AFF1: variants seen among roughly 807,000 people sequenced by gnomAD.
AFF1 encodes the protein ALF transcription elongation factor 1.
In AFF1, 48 loss-of-function variants were observed where a neutral mutation model predicts 121.7. The ratio of observed to expected loss-of-function variants is 0.39; its 90% CI spans 0.31 to 0.50. AFF1 has a LOEUF of 0.50. AFF1 is among the 20% of genes least tolerant of loss of function. AFF1 has a pLI of 0.76. For missense variants in AFF1, 1,523 were observed against 1,511.7 expected, an observed-to-expected ratio of 1.01 and a Z score of -0.12; for synonymous variants, 613 against 563.0, an observed-to-expected ratio of 1.09 and a Z score of -1.26.
chr4:86,950,133 T>C (rs1721200438), intron 2 of AFF1: 1 of 1,581,084 alleles, frequency 6.3e-7, no homozygotes, highest in Non-Finnish European at 8.7e-7. Context: ...GGATGGGACT[T>C]GGGCCAGCAC....
At chr4:87,054,030 C>T (rs1389332498) in intron 4 of AFF1, among the ~76,000 whole-genome samples, 2 of 152,152 alleles carry the variant, frequency 1.3e-5, no homozygotes, top group Non-Finnish European at 2.9e-5. Flanking sequence ...CTGGCTTATG[C>T]CACACCATGT....
intron 19 of AFF1, among the ~76,000 whole-genome samples, chr4:87,132,815 C>T (rs1442710587): frequency 6.6e-6 from 1 of 152,172 alleles, no homozygotes; most frequent in African/African-American, 2.4e-5. Flanking sequence ...CTCAGCCTCC[C>T]GAGTAGCTGG....
chr4:87,017,327 TTTGA>T (rs2149549975), intron 2 of AFF1, among the ~76,000 whole-genome samples: 1 of 152,234 alleles, frequency 6.6e-6, no homozygotes, highest in African/African-American at 2.4e-5. Flanking sequence ...CAATTTTGCA[TTTGA>T]TTATTAGAAA....
At chr4:86,979,334 G>A (rs1723549529) in intron 2 of AFF1, among the ~76,000 whole-genome samples, 1 of 152,012 alleles carries the variant, frequency 6.6e-6, no homozygotes, top group Non-Finnish European at 1.5e-5. Context: ...CTTGACCTCA[G>A]GTGATCCTCC....
intron 2 of AFF1, among the ~76,000 whole-genome samples, chr4:87,006,112 C>T (rs184989820): frequency 1.3e-5 from 2 of 152,308 alleles, no homozygotes; most frequent in Admixed American, 1.3e-4. Flanking sequence ...GTTTGTATTT[C>T]ACGACGATTT....
At chr4:87,017,341 A>G (rs1198731590) in intron 2 of AFF1, among the ~76,000 whole-genome samples, 3 of 152,130 alleles carry the variant, frequency 2.0e-5, no homozygotes, top group African/African-American at 4.8e-5. Context: ...ATTATTAGAA[A>G]ATTATATATT....
At position 86,984,301 on chromosome 4, in the gene AFF1, CT is replaced by C. The variant is rs376790039; in HGVS notation, c.38+35740del. On this transcript the variant is annotated intron_variant, in intron 2 of 20. Transcript: ENST00000395146. ...AGTGAGAACTGTATTTCAAGTGACC[CT>C]TTTTTTTTTCCAAGTGACATTTTTT... 3.9e-4 allele frequency among the ~76,000 whole-genome samples: 55 copies of C among 141,306 alleles called. No homozygotes were observed. The East Asian group carries it at 6.7e-3, about 17-fold the overall frequency. 92.7% of individuals were successfully genotyped at this position (141,306 alleles called of 152,430 possible). A position where few individuals can be genotyped will look rare whatever the true frequency, so the allele number is the denominator to read the frequency against.
At chr4:86,976,423 G>A (rs754300000) in intron 2 of AFF1, among the ~76,000 whole-genome samples, 3 of 152,128 alleles carry the variant, frequency 2.0e-5, no homozygotes, top group Non-Finnish European at 4.4e-5. Flanking sequence ...TATACACCAT[G>A]TCATATCACG....
chr4:87,045,442 C>T (rs1347895809), intron 2 of AFF1, among the ~76,000 whole-genome samples: 2 of 151,818 alleles, frequency 1.3e-5, no homozygotes, highest in Admixed American at 1.3e-4. Flanking sequence ...ATTTGTTTCT[C>T]GGTGAATGCC....
chr4:87,094,898 G>T lies in AFF1; in HGVS notation c.1229-17G>T. The T allele has an allele frequency of 3.1e-6, 5 of 1,612,176 alleles. No homozygotes were observed. The highest frequency in any genetic ancestry group is 4.2e-6 in the Non-Finnish European group (5 of 1,178,382). On this transcript the variant is annotated splice_polypyrimidine_tract_variant and intron_variant, in intron 7 of 20. Transcript: ENST00000395146. ...ATATGTGTCATTGTGCTGCTTTGAT[G>T]TTTCTCTCCCCCACAGAACAATATG...
intron 8 of AFF1, among the ~76,000 whole-genome samples, chr4:87,103,321 C>G (rs764627912): frequency 6.6e-6 from 1 of 152,202 alleles, no homozygotes; most frequent in Non-Finnish European, 1.5e-5. Context: ...ACTAGTAATA[C>G]ACATATCTGC....
intron 18 of AFF1, 89 bp downstream of exon 18, chr4:87,131,953 G>T: frequency 8.5e-7 from 1 of 1,179,108 alleles, no homozygotes; most frequent in Non-Finnish European, 1.2e-6. Flanking sequence ...TTTTCTTAAT[G>T]TGAAAATTAT....
intron 1 of AFF1, among the ~76,000 whole-genome samples, chr4:86,942,207 A>AAG (rs1720514722): frequency 6.6e-6 from 1 of 152,210 alleles, no homozygotes; most frequent in Non-Finnish European, 1.5e-5. Context: ...TTGTTCCAAG[A>AAG]AACTTTTGTA....
chr4:87,115,254 G>A lies in AFF1; in HGVS notation c.2421G>A (p.Glu807=), dbSNP rs1726986297. 1.2e-6 allele frequency: 2 copies of A among 1,613,550 alleles called. No individual in the cohort carries two copies. Among genetic ancestry groups the A allele is most frequent in the Middle Eastern group, 1.7e-4 (1 of 6,058 alleles). ...CCGCAGGGAAGAAGCACAGCTCTGAGAAGAGGAGCTCAGACAGCTCAAGCA... is the reference window on the plus strand; with the variant it reads ...CCGCAGGGAAGAAGCACAGCTCTGAAAAGAGGAGCTCAGACAGCTCAAGCA... ...QPPAGKKHSS[E]KRSSDSSSKL... The change falls in exon 12 of 21, where the codon GAG becomes GAA. Residue 807 remains glutamate, a synonymous_variant. Transcript: ENST00000395146.
chr4:86,975,647 CT>C (rs919735878), intron 2 of AFF1, among the ~76,000 whole-genome samples: 2 of 151,938 alleles, frequency 1.3e-5, no homozygotes, highest in African/African-American at 4.8e-5. Flanking sequence ...TTAAGACAGC[CT>C]TTTTTTTCTC....
rs3775231 is a variant in AFF1, at chr4:87,050,498, C to T, written c.1059+2904C>T. Among the ~76,000 whole-genome samples the T allele has an allele frequency of 2.0e-4, 31 of 152,206 alleles. 1 individual carries two copies. The East Asian group carries it at 6.0e-3, about 29-fold the overall frequency. ...CCACCTAAGTGTGGATTCTTTACTC[C>T]CTGTCCTTTCCTTTCACCTCATGGG... On this transcript the variant is annotated intron_variant, in intron 4 of 20. Coordinates refer to ENST00000395146, the MANE Select transcript of AFF1 (RefSeq NM_001166693.3).
intron 4 of AFF1, among the ~76,000 whole-genome samples, chr4:87,081,946 G>T (rs936989060): frequency 6.6e-6 from 1 of 152,034 alleles, no homozygotes; most frequent in African/African-American, 2.4e-5. Flanking sequence ...GAAACATCTT[G>T]GCAAAGTGTC....
At chr4:87,007,139 C>T (rs1433093633) in intron 2 of AFF1, 5 of 1,268,746 alleles carry the variant, frequency 3.9e-6, no homozygotes, top group Non-Finnish European at 5.0e-6. Context: ...TCGGACGCGG[C>T]GCTCCCCGGG....
chr4:86,939,999 C>CAATTTGCTTAGGCAAATTTG (rs1720337471), intron 1 of AFF1, among the ~76,000 whole-genome samples: 1 of 152,182 alleles, frequency 6.6e-6, no homozygotes, highest in Non-Finnish European at 1.5e-5. Context: ...AGCTGTCAGA[C>CAATTTGCTTAGGCAAATTTG]CTTAGGCAAA....
Sources: allele counts gnomAD v4.1 joint callset (sites outside exome capture counted in the v4.1 genomes callset), GRCh38; gene constraint gnomAD v4.1.1; transcripts MANE v1.5; gene names NCBI Gene and HGNC (gene_info 2026-07-23, HGNC 2026-07-21).